The following DGKB variants were observed in gnomAD, a reference collection of about 807,000 sequenced individuals.
DGKB encodes 90 kDa diacylglycerol kinase.
In DGKB, 67 loss-of-function variants were observed where a neutral mutation model predicts 114.3. The ratio of observed to expected loss-of-function variants is 0.59; its 90% CI spans 0.48 to 0.72. The LOEUF (loss-of-function observed/expected upper bound fraction) is 0.72. Ranked by LOEUF, DGKB falls within the 30% of genes least tolerant of loss-of-function variation. DGKB has a pLI of 0.00. For missense variants in DGKB, 907 were observed against 975.2 expected, an observed-to-expected ratio of 0.93 and a Z score of 0.93; for synonymous variants, 398 against 323.1, an observed-to-expected ratio of 1.23 and a Z score of -2.49.
chr7:14,630,001 A>G (rs1018203118), intron 14 of DGKB, among the ~76,000 whole-genome samples: 17 of 152,106 alleles, frequency 1.1e-4, no homozygotes, highest in Non-Finnish European at 1.9e-4. Context: ...TCTAGGTCAC[A>G]TAACTTCTTG....
intron 21 of DGKB, among the ~76,000 whole-genome samples, chr7:14,395,843 T>C (rs1822133586): frequency 6.6e-6 from 1 of 151,996 alleles, no homozygotes; most frequent in African/African-American, 2.4e-5. Context: ...CCTATTGGAT[T>C]ACTAGTTTCT....
rs1237971822 is a variant in DGKB at position 14,210,691 on chromosome 7, C to T, written c.2123-32540G>A. Among the ~76,000 whole-genome samples, 3 of 152,060 alleles carry T rather than the reference C, an allele frequency of 2.0e-5. No individual in the cohort carries two copies. In the East Asian group the frequency reaches 5.8e-4, roughly 30 times the overall value. On this transcript the variant is annotated intron_variant, in intron 23 of 25. Coordinates refer to ENST00000402815, the MANE Select transcript of DGKB (RefSeq NM_001350709.2). ...CCAACAACACAAAGATTATGTCCCT[C>T]TCTTCAAGTCTTCAAATCTTTCTCA...
At chr7:14,249,824 T>C (rs1794973909) in intron 23 of DGKB, among the ~76,000 whole-genome samples, 1 of 152,114 alleles carries the variant, frequency 6.6e-6, no homozygotes, top group Admixed American at 6.6e-5. Context: ...CATGTTTATT[T>C]CATTTATTTT....
intron 1 of DGKB, among the ~76,000 whole-genome samples, chr7:14,879,492 C>G (rs1164084098): frequency 6.6e-6 from 1 of 152,132 alleles, no homozygotes; most frequent in Admixed American, 6.6e-5. Flanking sequence ...TAAAGTAAAA[C>G]TTGCTTTCTA....
chr7:14,691,740 C>T (rs1409985027), intron 9 of DGKB, among the ~76,000 whole-genome samples: 1 of 151,392 alleles, frequency 6.6e-6, no homozygotes, highest in Admixed American at 6.6e-5. Context: ...TTGTTCTTTA[C>T]AGAGATGGGG....
Position 14,274,349 on chromosome 7 carries a change from C to T in DGKB, c.2122+64166G>A, listed in dbSNP as rs1209376615. Among the ~76,000 whole-genome samples the T allele has an allele frequency of 2.0e-5, 3 of 152,252 alleles. No individual in the cohort carries two copies. The East Asian group carries it at 5.8e-4, about 29-fold the overall frequency. ...ACTAATCCTACCTTAATCCACCTGG[C>T]TGGAGTTTTCTTACTAAAATGCAGA... is the stretch of plus-strand genomic sequence containing the variant. On this transcript the variant is annotated intron_variant, in intron 23 of 25. Coordinates refer to ENST00000402815, the MANE Select transcript of DGKB (RefSeq NM_001350709.2).
At chr7:14,246,543 T>C (rs1243845514) in intron 23 of DGKB, among the ~76,000 whole-genome samples, 1 of 152,154 alleles carries the variant, frequency 6.6e-6, no homozygotes, top group African/African-American at 2.4e-5. Flanking sequence ...ATAAACTAAG[T>C]AACAAATTAT....
intron 23 of DGKB, among the ~76,000 whole-genome samples, chr7:14,287,606 T>C (rs1269425234): frequency 1.3e-5 from 2 of 152,148 alleles, no homozygotes; most frequent in African/African-American, 4.8e-5. Flanking sequence ...GAGTAGTATC[T>C]GTGGTTAATG....
chr7:14,661,155 G>C (rs181415139), intron 13 of DGKB, among the ~76,000 whole-genome samples: 36 of 151,966 alleles, frequency 2.4e-4, no homozygotes, highest in South Asian at 1.7e-3. Flanking sequence ...CAAGGACTTC[G>C]TGTCTAAAAC....
chr7:14,781,939 A>G (rs1430506264), intron 2 of DGKB, among the ~76,000 whole-genome samples: 1 of 152,114 alleles, frequency 6.6e-6, no homozygotes, highest in African/African-American at 2.4e-5. Context: ...AGGAAGACAC[A>G]GAGTTTTGCC....
intron 20 of DGKB, among the ~76,000 whole-genome samples, chr7:14,567,189 ATT>A (rs1228207749): frequency 6.7e-5 from 6 of 89,456 alleles, no homozygotes; most frequent in Non-Finnish European, 1.2e-4. Flanking sequence ...ATAATTATAT[ATT>A]TATATATTAT....
chr7:14,567,872 G>A (rs1797826438), intron 20 of DGKB, among the ~76,000 whole-genome samples: 1 of 151,880 alleles, frequency 6.6e-6, no homozygotes, highest in Admixed American at 6.6e-5. Flanking sequence ...CTCCCAAAGT[G>A]CTGGGATTAA....
intron 1 of DGKB, among the ~76,000 whole-genome samples, chr7:14,934,738 C>A (rs73058944): frequency 0.14 from 21,666 of 152,068 alleles, 1,616 homozygotes; most frequent in Admixed American, 0.2. Context: ...AATACTGAAG[C>A]AGGTGAGAAA....
intron 23 of DGKB, among the ~76,000 whole-genome samples, chr7:14,268,040 G>T (rs922108036): frequency 2.6e-5 from 4 of 152,042 alleles, no homozygotes; most frequent in African/African-American, 9.7e-5. Flanking sequence ...AAAAAATCAG[G>T]ATTTTGCCAG....
chr7:14,885,362 T>C (rs982959164), intron 1 of DGKB, among the ~76,000 whole-genome samples: 1 of 151,954 alleles, frequency 6.6e-6, no homozygotes, highest in Non-Finnish European at 1.5e-5. Context: ...TCAAAATACA[T>C]ACAAAGGTGG....
rs565115292 is a variant in DGKB, at chr7:14,695,539, GC to G, written c.592-1346del. On this transcript the variant is annotated intron_variant, in intron 8 of 25. Coordinates refer to ENST00000402815, the MANE Select transcript of DGKB (RefSeq NM_001350709.2). ...TTTTGAGATGGAGTCTCACTCTGTCGCCCAGGCTGGAGTGCTGTGGCGCAAT... is the reference window on the plus strand; with the variant it reads ...TTTTGAGATGGAGTCTCACTCTGTCGCCAGGCTGGAGTGCTGTGGCGCAAT... Among the ~76,000 whole-genome samples the G allele has an allele frequency of 7.9e-3, 879 of 111,922 alleles. 12 individuals carry two copies. Among genetic ancestry groups the G allele is most frequent in the African/African-American group, 0.029 (810 of 28,254 alleles). 73.4% of individuals were successfully genotyped at this position (111,922 alleles called of 152,430 possible).
chr7:14,810,459 G>A (rs1843289022), intron 2 of DGKB, among the ~76,000 whole-genome samples: 1 of 152,070 alleles, frequency 6.6e-6, no homozygotes, highest in Admixed American at 6.6e-5. Context: ...TTAAAGCTTT[G>A]TAGTAGCCAT....
At chr7:14,525,100 T>C (rs996133982) in intron 20 of DGKB, among the ~76,000 whole-genome samples, 1 of 149,014 alleles carries the variant, frequency 6.7e-6, no homozygotes, top group Non-Finnish European at 1.5e-5. Context: ...AAGTTTGGGA[T>C]TTTTTTTTGA....
chr7:14,274,273 A>G (rs1470259450), intron 23 of DGKB, among the ~76,000 whole-genome samples: 1 of 152,182 alleles, frequency 6.6e-6, no homozygotes, highest in Non-Finnish European at 1.5e-5. Context: ...TGATAGTTTC[A>G]GTGTTTGGAA....
Sources: gnomAD v4.1 joint callset for allele counts (sites outside exome capture counted in the v4.1 genomes callset) on GRCh38, gnomAD v4.1.1 for gene constraint, MANE v1.5 for transcripts, NCBI Gene and HGNC (gene_info 2026-07-23, HGNC 2026-07-21) for gene names.